ITIH6: variants seen among roughly 807,000 people sequenced by gnomAD.
ITIH6 encodes the protein inter-alpha-trypsin inhibitor heavy chain H6.
In ITIH6, 60 loss-of-function variants were observed where a neutral mutation model predicts 58.2. That is an observed-to-expected ratio of 1.03 (90% confidence interval 0.84 to 1.28). ITIH6 has a LOEUF of 1.28. ITIH6 is among the 50% of genes most tolerant of loss of function. The pLI is 0.00. For missense variants in ITIH6, 1,290 were observed against 1,021.1 expected (o/e 1.26, Z -3.59); for synonymous variants, 493 against 417.4 (o/e 1.18, Z -2.21).
chrX:54,767,650 C>G (rs1452577224), intron 6 of ITIH6, among the ~76,000 whole-genome samples: 1 of 103,466 alleles, frequency 9.7e-6, no homozygotes, highest in Non-Finnish European at 1.9e-5. Context: ...CGTTATGCAC[C>G]CAGTAGTCAT....
intron 2 of ITIH6, among the ~76,000 whole-genome samples, chrX:54,792,984 C>G (rs752558756): frequency 9.0e-5 from 10 of 111,185 alleles, no homozygotes; most frequent in African/African-American, 3.3e-4. Flanking sequence ...CTCCCTCTCC[C>G]CTTCTGTCCT....
At position 54,757,097 on chromosome X, in the gene ITIH6, G is replaced by A. The variant is rs755696175; in HGVS notation, c.2977C>T (p.Leu993Phe). ...NLPILLPSSILPEAISLLLLP... is the reference protein window; with the variant it reads ...NLPILLPSSIFPEAISLLLLP... ...AGGAGCAGACTGATGGCCTCAGGGA[G>A]GATGCTAGAAGGCAGCAAGATTGGC... Residue 993 changes from leucine (L) to phenylalanine (F), a missense_variant, in exon 8 of 13, where the codon CTC (leucine) becomes TTC (phenylalanine). Leu to Phe is a conservative substitution (Grantham distance 22). Coordinates refer to ENST00000218436, the MANE Select transcript of ITIH6 (RefSeq NM_198510.3). 8.3e-7 allele frequency: 1 copy of A among 1,211,571 alleles called. No homozygotes were observed. The highest frequency in any genetic ancestry group is 1.8e-5 in the South Asian group (1 of 56,962).
In ITIH6 at chrX:54,751,481, A is replaced by G. The variant is rs1235730901; in HGVS notation, c.3353-101T>C. 16 of 977,034 alleles carry G rather than the reference A, an allele frequency of 1.6e-5. No individual in the cohort carries two copies. The Admixed American group carries it at 4.1e-4, about 25-fold the overall frequency. 80.5% of individuals were successfully genotyped at this position (977,034 alleles called of 1,213,427 possible). A position where few individuals can be genotyped will look rare whatever the true frequency, so the allele number is the denominator to read the frequency against. ...GATGAAGTAGTGCAGATTTGTGGCT[A>G]GAGGGCCGACTCCTGAGAGAACTAC... On this transcript the variant is annotated intron_variant, in intron 11 of 12. Transcript: ENST00000218436.
chrX:54,774,206 A>C lies in ITIH6; in HGVS notation c.787-9T>G. On this transcript the variant is annotated splice_polypyrimidine_tract_variant and intron_variant, in intron 5 of 12. Transcript: ENST00000218436. ...AAATAGTCATCGTAAATCTGGACCA[A>C]AAAAAAAAAAAAAAAAGTAGAACCA... 3.1e-5 allele frequency: 5 copies of C among 160,718 alleles called. No homozygotes were observed. Among genetic ancestry groups the C allele is most frequent in the South Asian group, 2.0e-4 (1 of 4,884 alleles). The allele number at this position is 160,718 out of a possible 1,213,427, so 13.2% of individuals were successfully genotyped here.
chrX:54,787,674 T>G lies in ITIH6; in HGVS notation c.786+806A>C, dbSNP rs749346788. 4 of 111,786 alleles carry G rather than the reference T, an allele frequency of 3.6e-5. No homozygotes were observed. The East Asian group carries it at 1.1e-3, about 31-fold the overall frequency. The allele number at this position is 111,786 out of a possible 1,213,427, so 9.2% of individuals were successfully genotyped here. A position where few individuals can be genotyped will look rare whatever the true frequency, so the allele number is the denominator to read the frequency against. On this transcript the variant is annotated intron_variant, in intron 5 of 12. Transcript: ENST00000218436. The stretch of plus-strand genomic sequence containing the variant: ...GCAGACAAACGAATTGTTGGTGGAC[T>G]GGAGTCATCAAGGAGGAGGTGTTTC...
chrX:54,779,969 G>A (rs1246030070), intron 5 of ITIH6, among the ~76,000 whole-genome samples: 1 of 111,348 alleles, frequency 9.0e-6, no homozygotes, highest in Non-Finnish European at 1.9e-5. Flanking sequence ...TTTAGCAAGA[G>A]GATGTAACAA....
intron 6 of ITIH6, among the ~76,000 whole-genome samples, chrX:54,763,831 C>A (rs752852865): frequency 5.4e-5 from 6 of 111,731 alleles, no homozygotes; most frequent in African/African-American, 1.6e-4. Context: ...TCAGTTTTTA[C>A]TTCATATATT....
chrX:54,787,569 A>G (rs1465239021), intron 5 of ITIH6: 2 of 111,775 alleles, frequency 1.8e-5, no homozygotes, highest in Non-Finnish European at 3.8e-5. Context: ...GGACTGGCCT[A>G]GTTCACATAT....
At chrX:54,775,331 G>A (rs1211676890) in intron 5 of ITIH6, among the ~76,000 whole-genome samples, 2 of 111,133 alleles carry the variant, frequency 1.8e-5, no homozygotes, top group African/African-American at 3.3e-5. Context: ...ATAACTCAAG[G>A]GCAGGACCTT....
intron 3 of ITIH6, 132 bp downstream of exon 3, chrX:54,791,794 C>T: frequency 2.4e-6 from 1 of 408,373 alleles, no homozygotes. Flanking sequence ...ATCATCTTCA[C>T]ATGATCCTGT....
chrX:54,774,022 C>T (rs1273731328), intron 6 of ITIH6, 59 bp downstream of exon 6: 1 of 703,363 alleles, frequency 1.4e-6, no homozygotes, highest in African/African-American at 2.2e-5. Flanking sequence ...TTACCACGCT[C>T]TCTGCTTTCT....
At chrX:54,766,957 A>C (rs1385159823) in intron 6 of ITIH6, among the ~76,000 whole-genome samples, 1 of 109,047 alleles carries the variant, frequency 9.2e-6, no homozygotes, top group African/African-American at 3.4e-5. Flanking sequence ...TAGTTTCAGA[A>C]GGAATGGTAC....
rs192518725 is a variant in ITIH6 at position 54,797,090 on chromosome X, T to C, written c.109A>G (p.Met37Val). Residue 37 changes from methionine (M) to valine (V), a missense_variant, in exon 2 of 13, where the codon ATG becomes GTG. Met to Val is a conservative substitution (Grantham distance 21). Coordinates refer to ENST00000218436, the MANE Select transcript of ITIH6 (RefSeq NM_198510.3). The stretch of plus-strand genomic sequence containing the variant: ...GTGGAGCGCATAGAATAGCTTGTCA[T>C]TAACAACTGAGAGAGAAGACAGGAG... ...VPASSSTKLL[M>V]TSYSMRSTVV... 58 of 1,206,715 alleles carry C rather than the reference T, an allele frequency of 4.8e-5. No individual in the cohort carries two copies. Among genetic ancestry groups the C allele is most frequent in the Non-Finnish European group, 5.8e-5 (52 of 893,169 alleles).
In ITIH6 at chrX:54,790,899, C is replaced by T; in HGVS notation, c.554G>A (p.Gly185Asp). The T allele has an allele frequency of 8.3e-7, 1 of 1,212,111 alleles. No individual in the cohort carries two copies. Among genetic ancestry groups the T allele is most frequent in the African/African-American group, 1.7e-5 (1 of 57,919 alleles). The change falls in exon 4 of 13, where the codon GGC (glycine) becomes GAC (aspartate). Residue 185 changes from glycine to aspartate, a missense_variant. Coordinates refer to ENST00000218436, the MANE Select transcript of ITIH6 (RefSeq NM_198510.3). ...SIEVTVSERT[G>D]ISYVHIPPLR... is the part of the protein sequence containing the mutation. Reference sequence around the variant, plus strand: ...GGGTGGTATGTGCACATAGGAGATGCCTGTCCTTTCTGACACTGTAACCTC... The same window carrying T: ...GGGTGGTATGTGCACATAGGAGATGTCTGTCCTTTCTGACACTGTAACCTC...
chrX:54,753,973 G>GGA lies in ITIH6; in HGVS notation c.3203-10_3203-9dup. The GGA allele has an allele frequency of 8.3e-7, 1 of 1,208,096 alleles. No individual in the cohort carries two copies. The highest frequency in any genetic ancestry group is 2.3e-4 in the Middle Eastern group (1 of 4,322). ...AGATGCTAGGCAATGTGCCTGCAAA[G>GGA]GAGAGAGAGACTGTGTTGGGAAGGG... is the stretch of plus-strand genomic sequence containing the variant. On this transcript the variant is annotated splice_polypyrimidine_tract_variant and intron_variant, in intron 9 of 12. Transcript: ENST00000218436.
At chrX:54,795,506 G>T (rs992418134) in intron 2 of ITIH6, among the ~76,000 whole-genome samples, 7 of 111,768 alleles carry the variant, frequency 6.3e-5, no homozygotes, top group Non-Finnish European at 9.4e-5. Context: ...AACATTGAAA[G>T]TCCTCCACAG....
chrX:54,751,914 T>C (rs1460366303), intron 11 of ITIH6, among the ~76,000 whole-genome samples: 1 of 111,660 alleles, frequency 9.0e-6, no homozygotes, highest in Non-Finnish European at 1.9e-5. Flanking sequence ...GTGTATTTCA[T>C]ATAACTAGTG....
chrX:54,751,128 C>T lies in ITIH6; in HGVS notation c.3605G>A (p.Gly1202Glu). ...AAAARLTLRL[G>E]PYLEFLVLRH... ...GAGGACTAGGAACTCAAGGTAGGGC[C>T]CAAGGCGGAGGGTAAGGCGGGCTGC... The change falls in exon 12 of 13, where the codon GGG becomes GAG. Residue 1202 changes from glycine to glutamate, a missense_variant. By Grantham distance (98) the Gly-to-Glu change is moderately conservative. Transcript: ENST00000218436. 1.7e-6 allele frequency: 2 copies of T among 1,209,152 alleles called. No homozygotes were observed. The highest frequency in any genetic ancestry group is 3.5e-5 in the South Asian group (2 of 56,370).
chrX:54,766,063 A>G (rs1286402037), intron 6 of ITIH6, among the ~76,000 whole-genome samples: 3 of 110,370 alleles, frequency 2.7e-5, no homozygotes, highest in Non-Finnish European at 3.8e-5. Context: ...CCTCTTTTAT[A>G]TCCTTGAGCA....
Sources: allele counts gnomAD v4.1 joint callset (sites outside exome capture counted in the v4.1 genomes callset), GRCh38; gene constraint gnomAD v4.1.1; transcripts MANE v1.5; gene names NCBI Gene and HGNC (gene_info 2026-07-23, HGNC 2026-07-21).